DDX10: variants seen among roughly 807,000 people sequenced by gnomAD.
The protein encoded by DDX10 is probable ATP-dependent RNA helicase DDX10.
In DDX10, 74 loss-of-function variants were observed where a neutral mutation model predicts 104.3. That is an observed-to-expected ratio of 0.71 (90% CI 0.59 to 0.86). The LOEUF is 0.86. Among genes scored for constraint, DDX10 ranks in the 40% least tolerant of loss-of-function variants. The probability of loss-of-function intolerance (pLI) is 0.00; values close to 1 mark genes in which losing one functional copy is unlikely to be tolerated. For synonymous variants in DDX10, 351 were observed against 353.4 expected (o/e 0.99, Z 0.08); for missense variants, 952 against 1,040.0 (o/e 0.92, Z 1.16).
At chr11:108,895,364 A>C (rs1361597336) in intron 16 of DDX10, among the ~76,000 whole-genome samples, 2 of 151,902 alleles carry the variant, frequency 1.3e-5, no homozygotes, top group African/African-American at 2.4e-5. Flanking sequence ...GTCAAAAAAA[A>C]AGCTCATTAG....
chr11:108,834,927 CAAAAAA>C (rs56174572), intron 13 of DDX10, among the ~76,000 whole-genome samples: 1 of 62,252 alleles, frequency 1.6e-5, no homozygotes, highest in South Asian at 1.0e-3. Context: ...GACTCCATCT[CAAAAAA>C]AAAAAAAAAA....
intron 13 of DDX10, among the ~76,000 whole-genome samples, chr11:108,764,063 G>T (rs2094353730): frequency 6.6e-6 from 1 of 152,126 alleles, no homozygotes; most frequent in South Asian, 2.1e-4. Context: ...AACCTTTGGT[G>T]GATTCCTGAA....
chr11:108,877,195 C>G (rs1591106801), intron 16 of DDX10, among the ~76,000 whole-genome samples: 1 of 152,222 alleles, frequency 6.6e-6, no homozygotes, highest in African/African-American at 2.4e-5. Context: ...TTTAACTTTT[C>G]AAAAGAATGT....
chr11:108,911,553 C>CTTTTTTTTTTTTTTTTTTTT (rs1565316439), intron 16 of DDX10, among the ~76,000 whole-genome samples: 1 of 117,146 alleles, frequency 8.5e-6, no homozygotes. Flanking sequence ...TTTGCCTCCT[C>CTTTTTTTTTTTTTTTTTTTT]TTCTTTTTTT....
At chr11:108,682,482 C>T (rs2094236801) in intron 6 of DDX10, among the ~76,000 whole-genome samples, 1 of 152,160 alleles carries the variant, frequency 6.6e-6, no homozygotes, top group African/African-American at 2.4e-5. Flanking sequence ...AATCCTTTCC[C>T]ATCCTTGTAC....
At chr11:108,829,203 T>G (rs1862437460) in intron 13 of DDX10, among the ~76,000 whole-genome samples, 1 of 152,244 alleles carries the variant, frequency 6.6e-6, no homozygotes, top group Non-Finnish European at 1.5e-5. Context: ...TTGTACTAGT[T>G]TACATTCCCA....
chr11:108,685,237 C>A (rs907100266), intron 6 of DDX10, among the ~76,000 whole-genome samples: 1 of 151,402 alleles, frequency 6.6e-6, no homozygotes, highest in Non-Finnish European at 1.5e-5. Flanking sequence ...TCTCGTGGTG[C>A]GCCGTTTCTT....
At chr11:108,685,838 A>G (rs1263906652) in intron 6 of DDX10, among the ~76,000 whole-genome samples, 3 of 152,202 alleles carry the variant, frequency 2.0e-5, no homozygotes, top group Non-Finnish European at 2.9e-5. Flanking sequence ...GATAATACCA[A>G]TATTATTACT....
chr11:108,786,979 G>A (rs981285277), intron 13 of DDX10, among the ~76,000 whole-genome samples: 3 of 151,420 alleles, frequency 2.0e-5, no homozygotes, highest in African/African-American at 4.9e-5. Context: ...GTGGTAGCAG[G>A]TTTTAAACTT....
intron 16 of DDX10, among the ~76,000 whole-genome samples, chr11:108,859,815 G>A (rs1862917145): frequency 6.6e-6 from 1 of 152,188 alleles, no homozygotes; most frequent in South Asian, 2.1e-4. Flanking sequence ...ATGTGTGGAT[G>A]TGACCATCGT....
chr11:108,870,492 T>G (rs1377558329), intron 16 of DDX10, among the ~76,000 whole-genome samples: 1 of 152,310 alleles, frequency 6.6e-6, no homozygotes, highest in East Asian at 1.9e-4. Context: ...TGTCACTAAC[T>G]CTCTTAACTT....
chr11:108,920,426 G>T (rs940594982), intron 17 of DDX10: 3 of 152,184 alleles, frequency 2.0e-5, no homozygotes, highest in African/African-American at 7.2e-5. Context: ...ATCAACAAGG[G>T]CTTGATCACT....
At chr11:108,918,221 T>C (rs1258832872) in intron 17 of DDX10, 4 of 587,218 alleles carry the variant, frequency 6.8e-6, no homozygotes, top group African/African-American at 3.7e-5. Flanking sequence ...TAGGGCCTTT[T>C]TGATTATTTC....
At chr11:108,790,570 C>G (rs1222376758) in intron 13 of DDX10, among the ~76,000 whole-genome samples, 1 of 152,128 alleles carries the variant, frequency 6.6e-6, no homozygotes, top group African/African-American at 2.4e-5. Flanking sequence ...TCTCCCTTAA[C>G]TAACATGTGC....
intron 13 of DDX10, among the ~76,000 whole-genome samples, chr11:108,741,851 A>T (rs1264311525): frequency 6.6e-6 from 1 of 152,184 alleles, no homozygotes; most frequent in Admixed American, 6.5e-5. Context: ...TCTCAAATTA[A>T]TAACCTAGTC....
intron 13 of DDX10, among the ~76,000 whole-genome samples, chr11:108,830,497 G>A (rs546144510): frequency 3.3e-5 from 5 of 152,268 alleles, no homozygotes; most frequent in South Asian, 4.1e-4. Flanking sequence ...AGCAAACAGC[G>A]ACAGTTTGAT....
intron 9 of DDX10, among the ~76,000 whole-genome samples, chr11:108,703,741 A>G (rs1217979776): frequency 6.6e-6 from 1 of 152,182 alleles, no homozygotes; most frequent in Non-Finnish European, 1.5e-5. Context: ...TTGTTCTTGC[A>G]AGCATTTTTT....
intron 13 of DDX10, among the ~76,000 whole-genome samples, chr11:108,732,937 C>T (rs1328609678): frequency 1.3e-5 from 2 of 152,080 alleles, no homozygotes; most frequent in East Asian, 1.9e-4. Context: ...TCAGTTTAAA[C>T]CTTTTTAGAA....
At chr11:108,822,939 G>A (rs1315394269) in intron 13 of DDX10, among the ~76,000 whole-genome samples, 1 of 152,202 alleles carries the variant, frequency 6.6e-6, no homozygotes, top group African/African-American at 2.4e-5. Context: ...GATAGATATG[G>A]TGTCAAGGTA....
Sources: gnomAD v4.1 joint callset for allele counts (sites outside exome capture counted in the v4.1 genomes callset) on GRCh38, gnomAD v4.1.1 for gene constraint, MANE v1.5 for transcripts, NCBI Gene and HGNC (gene_info 2026-07-23, HGNC 2026-07-21) for gene names.